Variants in INTS9 observed in about 807,000 individuals in gnomAD.
INTS9 encodes the protein protein related to CPSF subunits of 74 kDa.
In INTS9, 55 loss-of-function variants were observed where a neutral mutation model predicts 79.7. That is an observed-to-expected ratio of 0.69 (90% CI 0.56 to 0.86). The LOEUF (loss-of-function observed/expected upper bound fraction) is 0.86, where lower values mean the gene tolerates loss of function less well. Among genes scored for constraint, INTS9 ranks in the 40% least tolerant of loss-of-function variants. The pLI, the probability that INTS9 is intolerant of heterozygous loss-of-function variation, is 0.00. For synonymous variants in INTS9, 319 were observed against 325.2 expected, an observed-to-expected ratio of 0.98 and a Z score of 0.20; for missense variants, 721 against 831.5, an observed-to-expected ratio of 0.87 and a Z score of 1.64.
intron 4 of INTS9, among the ~76,000 whole-genome samples, chr8:28,838,599 A>G (rs1424662409): frequency 6.6e-6 from 1 of 152,176 alleles, no homozygotes; most frequent in South Asian, 2.1e-4. Flanking sequence ...CTCCCAAAGT[A>G]TTGCATGTGT....
chr8:28,857,383 C>A (rs1808231741), intron 2 of INTS9, among the ~76,000 whole-genome samples: 1 of 152,114 alleles, frequency 6.6e-6, no homozygotes, highest in African/African-American at 2.4e-5. Flanking sequence ...GACAAATGCC[C>A]ATCACATCTA....
At position 28,880,559 on chromosome 8, in the gene INTS9, T is replaced by C. The variant is rs1406888625; in HGVS notation, c.9+9315A>G. On this transcript the variant is annotated intron_variant, in intron 1 of 16. Coordinates refer to ENST00000521022, the MANE Select transcript of INTS9 (RefSeq NM_018250.4). The stretch of plus-strand genomic sequence containing the variant: ...TGCAGATGGAGTCTCGTTCACTCAG[T>C]GCTCAATGGTGCCCAGGCTGGAGTG... Among the ~76,000 whole-genome samples, 3 of 151,672 alleles carry C rather than the reference T, an allele frequency of 2.0e-5. No individual in the cohort carries two copies. In the East Asian group the frequency reaches 5.8e-4, roughly 29 times the overall value.
chr8:28,879,853 T>G (rs1585529330), intron 1 of INTS9, among the ~76,000 whole-genome samples: 1 of 152,160 alleles, frequency 6.6e-6, no homozygotes. Flanking sequence ...TTACATAAAA[T>G]GACCAGAAAG....
intron 2 of INTS9, among the ~76,000 whole-genome samples, chr8:28,858,233 T>A (rs1808278756): frequency 6.6e-6 from 1 of 152,204 alleles, no homozygotes; most frequent in Non-Finnish European, 1.5e-5. Flanking sequence ...ATATACTTGT[T>A]TTCTAGTCAC....
chr8:28,767,946 G>C lies in INTS9; in HGVS notation c.*200C>G. The C allele has an allele frequency of 1.7e-6, 1 of 591,702 alleles. No individual in the cohort carries two copies. The highest frequency in any genetic ancestry group is 2.9e-5 in the East Asian group (1 of 34,628). The allele number at this position is 591,702 out of a possible 1,614,324, so 36.7% of individuals were successfully genotyped here. On this transcript the variant is annotated 3_prime_UTR_variant, in exon 17 of 17. Transcript: ENST00000521022. ...GAGTTGAGAAGAAAATGAGCCTGAA[G>C]TTGAAAGGGAAAGTTCTTGCCTGAA...
intron 3 of INTS9, 149 bp from the exon 4 acceptor site, chr8:28,846,958 T>A (rs917635819): frequency 4.5e-6 from 3 of 660,024 alleles, no homozygotes; most frequent in Non-Finnish European, 8.0e-6. Context: ...CCGACTGTCC[T>A]ATGTTTAGGC....
chr8:28,848,518 A>T (rs1478165584), intron 3 of INTS9, among the ~76,000 whole-genome samples: 3 of 152,188 alleles, frequency 2.0e-5, no homozygotes, highest in Admixed American at 6.5e-5. Context: ...GTGGAGCTGA[A>T]AGGAGACTGA....
At chr8:28,779,041 T>G (rs1803077739) in intron 12 of INTS9, among the ~76,000 whole-genome samples, 1 of 152,210 alleles carries the variant, frequency 6.6e-6, no homozygotes, top group Non-Finnish European at 1.5e-5. Flanking sequence ...CTGATTTCCT[T>G]TTAGCTGAAG....
intron 4 of INTS9, among the ~76,000 whole-genome samples, chr8:28,843,105 G>A (rs1807290352): frequency 6.6e-6 from 1 of 152,140 alleles, no homozygotes; most frequent in African/African-American, 2.4e-5. Flanking sequence ...TCGACTTCAG[G>A]GACAAAGCAT....
intron 6 of INTS9, among the ~76,000 whole-genome samples, chr8:28,816,207 G>C (rs1432734358): frequency 6.6e-6 from 1 of 151,044 alleles, no homozygotes; most frequent in South Asian, 2.1e-4. Flanking sequence ...CAATGTGCAG[G>C]TTAGTTACAT....
intron 11 of INTS9, among the ~76,000 whole-genome samples, chr8:28,785,518 ATTAT>A (rs1215188749): frequency 1.3e-5 from 2 of 152,130 alleles, no homozygotes; most frequent in Admixed American, 6.5e-5. Flanking sequence ...CATTACTAGC[ATTAT>A]TTATTTTGAT....
chr8:28,869,185 A>T lies in INTS9; in HGVS notation c.10-9622T>A, dbSNP rs1442393874. On this transcript the variant is annotated intron_variant, in intron 1 of 16. Coordinates refer to ENST00000521022, the MANE Select transcript of INTS9 (RefSeq NM_018250.4). ...CAACATCATCTAAATGCTTCCTTTA[A>T]AAAAAATATTTTATTATTTTCTTTC... is the stretch of plus-strand genomic sequence containing the variant. Among the ~76,000 whole-genome samples the T allele has an allele frequency of 1.3e-5, 2 of 152,052 alleles. 1 individual carries two copies. Among genetic ancestry groups the T allele is most frequent in the South Asian group, 4.2e-4 (2 of 4,808 alleles).
At chr8:28,834,331 A>G (rs988412262) in intron 6 of INTS9, among the ~76,000 whole-genome samples, 2 of 152,082 alleles carry the variant, frequency 1.3e-5, no homozygotes, top group African/African-American at 4.8e-5. Flanking sequence ...CGTAGTCATT[A>G]GCCTCCTTAT....
rs909174597 is a variant in INTS9 at position 28,778,063 on chromosome 8, G to A, written c.1271-110C>T. On this transcript the variant is annotated intron_variant, in intron 12 of 16. Transcript: ENST00000521022. The stretch of plus-strand genomic sequence containing the variant: ...CACAGACAGTCAGGGGGTCAGGAGG[G>A]AGCCAGGAAGCACACGTGGGGGACG... 7.3e-6 allele frequency: 9 copies of A among 1,229,972 alleles called. No homozygotes were observed. In the African/African-American group the frequency reaches 1.4e-4, roughly 19 times the overall value. 76.2% of individuals were successfully genotyped at this position (1,229,972 alleles called of 1,614,324 possible). A position where few individuals can be genotyped will look rare whatever the true frequency, so the allele number is the denominator to read the frequency against.
intron 1 of INTS9, among the ~76,000 whole-genome samples, chr8:28,881,715 C>T (rs1809830801): frequency 6.8e-6 from 1 of 147,894 alleles, no homozygotes; most frequent in African/African-American, 2.5e-5. Flanking sequence ...GGGGGGTCAG[C>T]CCCCCTTCCG....
At chr8:28,866,820 C>G (rs1160540289) in intron 1 of INTS9, among the ~76,000 whole-genome samples, 3 of 150,398 alleles carry the variant, frequency 2.0e-5, no homozygotes, top group African/African-American at 4.9e-5. Flanking sequence ...ACTAAAAATA[C>G]AAAAATTAGC....
chr8:28,810,490 G>T (rs915176314), intron 8 of INTS9: 3 of 152,250 alleles, frequency 2.0e-5, no homozygotes, highest in African/African-American at 7.2e-5. Context: ...GGCCAGGTGT[G>T]GTGGCTATAG....
intron 10 of INTS9, among the ~76,000 whole-genome samples, chr8:28,793,421 G>C (rs1404517089): frequency 6.6e-6 from 1 of 152,152 alleles, no homozygotes; most frequent in Admixed American, 6.5e-5. Context: ...TAAAAATCTA[G>C]TTTTTCTTCT....
At chr8:28,881,306 G>A (rs1809774664) in intron 1 of INTS9, among the ~76,000 whole-genome samples, 1 of 129,538 alleles carries the variant, frequency 7.7e-6, no homozygotes, top group African/African-American at 3.0e-5. Flanking sequence ...GAGGTGGGGG[G>A]ATCAGCCCCC....
Sources: gnomAD v4.1 joint callset for allele counts (sites outside exome capture counted in the v4.1 genomes callset) on GRCh38, gnomAD v4.1.1 for gene constraint, MANE v1.5 for transcripts, NCBI Gene and HGNC (gene_info 2026-07-23, HGNC 2026-07-21) for gene names.